Variants in TJP1 observed in about 807,000 individuals in gnomAD.
The protein encoded by TJP1 is tight junction protein ZO-1.
TJP1 carries 43 observed loss-of-function variants against 194.2 expected under a neutral mutation model. The ratio of observed to expected loss-of-function variants is 0.22; its 90% CI spans 0.17 to 0.29. TJP1 has a LOEUF of 0.29. Among genes scored for constraint, TJP1 ranks in the 10% least tolerant of loss-of-function variants. The pLI is 1.00. For synonymous variants in TJP1, 801 were observed against 779.0 expected (o/e 1.03, Z -0.47); for missense variants, 1,971 against 2,185.7 (o/e 0.90, Z 1.96).
chr15:29,745,203 C>T (rs1032922514), intron 8 of TJP1, among the ~76,000 whole-genome samples: 2 of 151,212 alleles, frequency 1.3e-5, no homozygotes, highest in African/African-American at 4.9e-5. Flanking sequence ...TTACACCAAA[C>T]TCAGTAACAG....
chr15:29,804,129 A>G (rs2048968094), intron 1 of TJP1, among the ~76,000 whole-genome samples: 1 of 152,150 alleles, frequency 6.6e-6, no homozygotes. Flanking sequence ...TTCTGTGGCA[A>G]AAGTAGCAAA....
chr15:29,737,499 A>C (rs2044113330), intron 10 of TJP1, 85 bp from the exon 11 acceptor site: 1 of 1,440,946 alleles, frequency 6.9e-7, no homozygotes, highest in Middle Eastern at 1.8e-4. Flanking sequence ...TATATTCAGA[A>C]TTAAATAAAG....
chr15:29,820,104 G>A (rs570685429), intron 1 of TJP1, among the ~76,000 whole-genome samples: 1 of 150,336 alleles, frequency 6.7e-6, no homozygotes, highest in Admixed American at 6.6e-5. Context: ...TTAGACAAGA[G>A]TTTCCCAAAC....
Position 29,718,431 on chromosome 15 carries a change from C to T in TJP1, c.3711G>A (p.Leu1237=), listed in dbSNP as rs367646312. The change falls in exon 21 of 28, where the codon CTG becomes CTA. Residue 1237 remains leucine (L), a synonymous_variant. Coordinates refer to ENST00000614355, the MANE Select transcript of TJP1 (RefSeq NM_001330239.4). ...GAGGCAGTGGTTTGGTGTTTGAAGG[C>T]AGAGCTTCTGGCTTATGCTGAGATG... ...IPSSQHKPEA[L]PSNTKPLPPP... The T allele has an allele frequency of 9.2e-5, 149 of 1,614,012 alleles. No individual in the cohort carries two copies. The highest frequency in any genetic ancestry group is 1.2e-4 in the Non-Finnish European group (147 of 1,180,042).
At chr15:29,824,339 A>G (rs1293421266), upstream of TJP1, among the ~76,000 whole-genome samples, 1 of 151,764 alleles carries the variant, frequency 6.6e-6, no homozygotes, top group Non-Finnish European at 1.5e-5. Context: ...GCTATTCAGG[A>G]GGCTGAGGCA....
chr15:29,968,531 G>A (rs948735902), intron 1 of TJP1: 1 of 802,494 alleles, frequency 1.2e-6, no homozygotes, highest in Non-Finnish European at 1.5e-6. Flanking sequence ...GGCGCGCCCC[G>A]CGTCCCGTCG....
intron 10 of TJP1, among the ~76,000 whole-genome samples, chr15:29,740,218 G>A (rs1346002398): frequency 6.6e-6 from 1 of 151,880 alleles, no homozygotes; most frequent in African/African-American, 2.4e-5. Flanking sequence ...CTCGTGATTC[G>A]CCCGCCTCGG....
chr15:29,915,016 A>G (rs975490511), intron 2 of TJP1, among the ~76,000 whole-genome samples: 74 of 152,212 alleles, frequency 4.9e-4, no homozygotes, highest in African/African-American at 1.7e-3. Flanking sequence ...ACTGTTGTTC[A>G]ATGAATACTC....
chr15:29,727,040 T>C, intron 16 of TJP1, 49 bp from the exon 17 acceptor site: 1 of 1,550,686 alleles, frequency 6.4e-7, no homozygotes, highest in Non-Finnish European at 8.9e-7. Context: ...CATCATTAAT[T>C]AAGAATCACC....
At chr15:29,936,232 A>G (rs2054877725) in intron 2 of TJP1, among the ~76,000 whole-genome samples, 1 of 152,056 alleles carries the variant, frequency 6.6e-6, no homozygotes. Flanking sequence ...ACAGCCATCT[A>G]AAGATACTCA....
chr15:29,794,877 G>A (rs1595916556), intron 2 of TJP1, among the ~76,000 whole-genome samples: 1 of 151,930 alleles, frequency 6.6e-6, no homozygotes, highest in Non-Finnish European at 1.5e-5. Flanking sequence ...AATAAGAGCA[G>A]AAATCAATGA....
chr15:29,852,300 G>A (rs1294949660), intron 2 of TJP1, among the ~76,000 whole-genome samples: 1 of 152,134 alleles, frequency 6.6e-6, no homozygotes, highest in African/African-American at 2.4e-5. Flanking sequence ...AGTAAAAAAT[G>A]AACAAAAGAC....
chr15:29,941,523 C>T lies in TJP1; in HGVS notation c.306+14709G>A, dbSNP rs540894971. ...CTCTACAGACCTCTAGGGTTGGGAACCACCAGCAGTTTCCTTCAACCAGCT... is the reference window on the plus strand; with the variant it reads ...CTCTACAGACCTCTAGGGTTGGGAATCACCAGCAGTTTCCTTCAACCAGCT... On this transcript the variant is annotated intron_variant, in intron 2 of 28. Transcript: ENST00000356107. Among the ~76,000 whole-genome samples, 4 of 152,302 alleles carry T rather than the reference C, an allele frequency of 2.6e-5. No individual in the cohort carries two copies. The East Asian group carries it at 7.7e-4, about 29-fold the overall frequency.
At chr15:29,773,194 T>C (rs773651838) in intron 3 of TJP1, 39 bp downstream of exon 3, 43 of 1,609,902 alleles carry the variant, frequency 2.7e-5, no homozygotes, top group Non-Finnish European at 3.6e-5. Flanking sequence ...AGAGGAACAC[T>C]GCTTGTTGCA....
chr15:29,951,835 T>C (rs931101320), intron 2 of TJP1, among the ~76,000 whole-genome samples: 1 of 152,164 alleles, frequency 6.6e-6, no homozygotes, highest in East Asian at 1.9e-4. Context: ...GCAATCTAGA[T>C]TTACACCCAC....
In TJP1 at chr15:29,874,397, G is replaced by A. The variant is rs558571057; in HGVS notation, c.307-73695C>T. On this transcript the variant is annotated intron_variant, in intron 2 of 28. Transcript: ENST00000356107. Reference sequence around the variant, plus strand: ...TGTCCCCTCAGCAGTAAGGGCGGAGGGCAAACCTTGCAAACGACACATCTT... The same window carrying A: ...TGTCCCCTCAGCAGTAAGGGCGGAGAGCAAACCTTGCAAACGACACATCTT... Among the ~76,000 whole-genome samples the A allele has an allele frequency of 4.3e-4, 65 of 152,218 alleles. 1 individual carries two copies. The South Asian group carries it at 0.013, about 31-fold the overall frequency.
At chr15:29,749,373 T>G (rs1291843747) in intron 8 of TJP1, among the ~76,000 whole-genome samples, 1 of 152,184 alleles carries the variant, frequency 6.6e-6, no homozygotes, top group Non-Finnish European at 1.5e-5. Flanking sequence ...AGCCGATTAA[T>G]ACACACTCAA....
At chr15:29,945,776 A>AACACACAC (rs371167321) in intron 2 of TJP1, among the ~76,000 whole-genome samples, 28 of 150,132 alleles carry the variant, frequency 1.9e-4, no homozygotes, top group African/African-American at 6.6e-4. Flanking sequence ...AAGGCTATTA[A>AACACACAC]ACACACACAC....
intron 18 of TJP1, among the ~76,000 whole-genome samples, chr15:29,725,783 G>A (rs1014095729): frequency 2.0e-5 from 3 of 152,186 alleles, no homozygotes; most frequent in African/African-American, 7.2e-5. Context: ...ATATCTCCCA[G>A]TATGTTGTGA....
Sources: allele counts gnomAD v4.1 joint callset (sites outside exome capture counted in the v4.1 genomes callset), GRCh38; gene constraint gnomAD v4.1.1; transcripts MANE v1.5; gene names NCBI Gene and HGNC (gene_info 2026-07-23, HGNC 2026-07-21).